Variants in PARN observed in about 807,000 individuals in gnomAD.
PARN encodes the protein poly(A)-specific ribonuclease PARN.
PARN carries 71 observed loss-of-function variants against 102.8 expected under a neutral mutation model. The observed-to-expected ratio is 0.69, with a 90% confidence interval of 0.57 to 0.84. The LOEUF (loss-of-function observed/expected upper bound fraction) is 0.84, where lower values mean the gene tolerates loss of function less well. Among genes scored for constraint, PARN ranks in the 40% least tolerant of loss-of-function variants. The pLI, the probability that PARN is intolerant of heterozygous loss-of-function variation, is 0.00. For synonymous variants in PARN, 261 were observed against 252.9 expected (o/e 1.03, Z -0.30); for missense variants, 782 against 760.9 (o/e 1.03, Z -0.33).
At chr16:14,571,295 T>G (rs1016343277) in intron 18 of PARN, among the ~76,000 whole-genome samples, 10 of 150,502 alleles carry the variant, frequency 6.6e-5, no homozygotes, top group South Asian at 6.3e-4. Flanking sequence ...AGGCAGAGAT[T>G]GCAGTGAGCC....
chr16:14,582,241 C>T lies in PARN; in HGVS notation c.1132G>A (p.Glu378Lys), dbSNP rs761566642. 75 of 1,613,678 alleles carry T rather than the reference C, an allele frequency of 4.6e-5. 1 individual carries two copies. Among genetic ancestry groups the T allele is most frequent in the South Asian group, 3.4e-4 (31 of 91,084 alleles). The change falls in exon 17 of 24, where the codon GAG (glutamate) becomes AAG (lysine). Residue 378 changes from glutamate (E) to lysine (K), a missense_variant. Coordinates refer to ENST00000437198, the MANE Select transcript of PARN (RefSeq NM_002582.4). ...SYDTASEQLH[E>K]AGYDAYITGL... Reference sequence around the variant, plus strand: ...GTGATGTAGGCATCGTAGCCTGCCTCGTGGAGTTGTTCAGAGGCTGTGTCA... The same window carrying T: ...GTGATGTAGGCATCGTAGCCTGCCTTGTGGAGTTGTTCAGAGGCTGTGTCA...
intron 21 of PARN, among the ~76,000 whole-genome samples, chr16:14,508,970 A>C (rs2151635079): frequency 6.6e-6 from 1 of 151,568 alleles, no homozygotes; most frequent in African/African-American, 2.4e-5. Context: ...GAGAATCCAG[A>C]AGGTAAAAAA....
intron 12 of PARN, among the ~76,000 whole-genome samples, chr16:14,597,211 T>G (rs145498797): frequency 3.9e-5 from 6 of 152,168 alleles, no homozygotes; most frequent in Non-Finnish European, 8.8e-5. Context: ...ACGATAATAT[T>G]AGTAGGCAAA....
At chr16:14,507,655 C>T (rs974277915) in intron 21 of PARN, among the ~76,000 whole-genome samples, 3 of 152,002 alleles carry the variant, frequency 2.0e-5, no homozygotes, top group South Asian at 2.1e-4. Flanking sequence ...CACCACTGCA[C>T]TCCAGCCTGG....
chr16:14,533,703 C>T (rs1389921502), intron 21 of PARN, among the ~76,000 whole-genome samples: 1 of 152,092 alleles, frequency 6.6e-6, no homozygotes, highest in African/African-American at 2.4e-5. Flanking sequence ...GCATCACCAT[C>T]GCCTCCTCGG....
At chr16:14,489,056 G>A (rs1178830964) in intron 21 of PARN, among the ~76,000 whole-genome samples, 1 of 152,074 alleles carries the variant, frequency 6.6e-6, no homozygotes, top group Admixed American at 6.6e-5. Flanking sequence ...AACGGTGAAT[G>A]ATAAATGCAA....
chr16:14,467,269 G>A (rs1240217085), intron 22 of PARN, among the ~76,000 whole-genome samples: 4 of 152,152 alleles, frequency 2.6e-5, no homozygotes, highest in Admixed American at 2.0e-4. Flanking sequence ...GAGAAGAAAT[G>A]GGGGGCCCAC....
intron 5 of PARN, among the ~76,000 whole-genome samples, chr16:14,626,400 T>C (rs986651160): frequency 2.0e-5 from 3 of 152,174 alleles, no homozygotes; most frequent in Non-Finnish European, 4.4e-5. Context: ...TCTCCCGTCT[T>C]GGCCTCCAAA....
At position 14,562,433 on chromosome 16, in the gene PARN, GAA is replaced by G. The variant is rs537258868; in HGVS notation, c.1263-6726_1263-6725del. Among the ~76,000 whole-genome samples, 300 of 58,490 alleles carry G rather than the reference GAA, an allele frequency of 5.1e-3. 3 individuals carry two copies. The highest frequency in any genetic ancestry group is 0.022 in the Admixed American group (109 of 5,022). 38.4% of individuals were successfully genotyped at this position (58,490 alleles called of 152,430 possible). A position where few individuals can be genotyped will look rare whatever the true frequency, so the allele number is the denominator to read the frequency against. On this transcript the variant is annotated intron_variant, in intron 18 of 23. Transcript: ENST00000437198. Reference sequence around the variant, plus strand: ...GGGGGTCAGAGCGGGACTCTGTCTCGAAAAAAAAAAAAAAAAAAACTATGAAT... The same window carrying G: ...GGGGGTCAGAGCGGGACTCTGTCTCGAAAAAAAAAAAAAAAAACTATGAAT...
chr16:14,585,513 A>G (rs1038121773), intron 14 of PARN, among the ~76,000 whole-genome samples: 3 of 151,580 alleles, frequency 2.0e-5, no homozygotes, highest in Non-Finnish European at 4.4e-5. Context: ...TAGGCTCCAC[A>G]TGGCTGACCT....
chr16:14,478,464 TA>T (rs1160765860), intron 22 of PARN, among the ~76,000 whole-genome samples: 1 of 152,128 alleles, frequency 6.6e-6, no homozygotes, highest in Non-Finnish European at 1.5e-5. Context: ...ACCTGAAAAA[TA>T]ATGTATATGA....
intron 22 of PARN, among the ~76,000 whole-genome samples, chr16:14,478,640 G>A (rs1963205376): frequency 6.6e-6 from 1 of 152,026 alleles, no homozygotes; most frequent in African/African-American, 2.4e-5. Context: ...CATAAAGACT[G>A]GAAAAGATGT....
chr16:14,515,981 T>C (rs1458900178), intron 21 of PARN, among the ~76,000 whole-genome samples: 5 of 151,778 alleles, frequency 3.3e-5, no homozygotes, highest in Admixed American at 6.6e-5. Context: ...ACAAACAGAA[T>C]GAACATTAAA....
intron 16 of PARN, among the ~76,000 whole-genome samples, chr16:14,582,763 T>C (rs1363539883): frequency 6.6e-6 from 1 of 152,096 alleles, no homozygotes; most frequent in Non-Finnish European, 1.5e-5. Context: ...GGTATGACCT[T>C]GGGCAAGTCA....
intron 5 of PARN, among the ~76,000 whole-genome samples, chr16:14,620,845 C>T (rs776916387): frequency 2.4e-4 from 37 of 152,292 alleles, no homozygotes; most frequent in Non-Finnish European, 4.1e-4. Context: ...CAGGGACAAA[C>T]AAATTACACT....
chr16:14,449,202 A>G (rs1256161500), intron 22 of PARN, among the ~76,000 whole-genome samples: 1 of 152,180 alleles, frequency 6.6e-6, no homozygotes, highest in Non-Finnish European at 1.5e-5. Flanking sequence ...GTGAAATACA[A>G]AGTCTAGAAA....
chr16:14,621,221 T>C (rs898363092), intron 5 of PARN, among the ~76,000 whole-genome samples: 2 of 152,196 alleles, frequency 1.3e-5, no homozygotes, highest in Non-Finnish European at 1.5e-5. Flanking sequence ...TGGAGTGTTC[T>C]TATAACTCTG....
intron 23 of PARN, among the ~76,000 whole-genome samples, chr16:14,440,861 G>T (rs532952251): frequency 6.6e-6 from 1 of 152,162 alleles, no homozygotes; most frequent in African/African-American, 2.4e-5. Context: ...GGGGTTGGGG[G>T]AAGGATCAAC....
At chr16:14,617,382 CAAA>C (rs66483121) in intron 6 of PARN, among the ~76,000 whole-genome samples, 47 of 91,852 alleles carry the variant, frequency 5.1e-4, no homozygotes, top group African/African-American at 1.4e-3. Flanking sequence ...AGACTCTTCT[CAAA>C]AAAAAAAAAA....
Sources: gnomAD v4.1 joint callset for allele counts (sites outside exome capture counted in the v4.1 genomes callset) on GRCh38, gnomAD v4.1.1 for gene constraint, MANE v1.5 for transcripts, NCBI Gene and HGNC (gene_info 2026-07-23, HGNC 2026-07-21) for gene names.